Variants in CFAP299 observed in about 807,000 individuals in gnomAD.
CFAP299 encodes cilia and flagella associated protein 299.
Under a neutral mutation model 27.0 loss-of-function variants are expected in CFAP299, and 21 were observed. The ratio of observed to expected loss-of-function variants is 0.78; its 90% CI spans 0.55 to 1.12. The LOEUF is 1.12. Ranked by LOEUF, CFAP299 falls within the 50% of genes most tolerant of loss-of-function variation. The pLI is 0.00. For missense variants in CFAP299, 310 were observed against 276.6 expected, an observed-to-expected ratio of 1.12 and a Z score of -0.86; for synonymous variants, 104 against 98.1, an observed-to-expected ratio of 1.06 and a Z score of -0.36.
At chr4:80,403,457 C>T (rs564831721) in intron 2 of CFAP299, among the ~76,000 whole-genome samples, 4 of 152,116 alleles carry the variant, frequency 2.6e-5, no homozygotes, top group Non-Finnish European at 5.9e-5. Context: ...CCAATACAAA[C>T]TGTTAGCTCT....
At chr4:80,734,073 T>C (rs1440197385) in intron 3 of CFAP299, among the ~76,000 whole-genome samples, 1 of 152,128 alleles carries the variant, frequency 6.6e-6, no homozygotes, top group Non-Finnish European at 1.5e-5. Flanking sequence ...TACTAATTTA[T>C]ATTCCCACCA....
intron 2 of CFAP299, among the ~76,000 whole-genome samples, chr4:80,481,220 A>T (rs1730551211): frequency 6.6e-6 from 1 of 152,024 alleles, no homozygotes. Flanking sequence ...TGACAATGAG[A>T]ATGCTATTGT....
intron 3 of CFAP299, among the ~76,000 whole-genome samples, chr4:80,689,972 C>T (rs1720542579): frequency 6.7e-6 from 1 of 150,184 alleles, no homozygotes; most frequent in East Asian, 1.9e-4. Context: ...GTAAAGGGAT[C>T]AATTCAACAA....
chr4:80,672,982 G>T, intron 3 of CFAP299, among the ~76,000 whole-genome samples: 1 of 146,852 alleles, frequency 6.8e-6, no homozygotes, highest in Non-Finnish European at 1.5e-5. Context: ...TTGATTTTTT[G>T]AAGGGTTTTT....
intron 3 of CFAP299, among the ~76,000 whole-genome samples, chr4:80,683,409 A>G (rs1048316401): frequency 6.6e-6 from 1 of 152,144 alleles, no homozygotes; most frequent in Admixed American, 6.5e-5. Context: ...ATTTAATCTA[A>G]TATTTTCTTA....
At chr4:80,577,949 C>T (rs1345127515) in intron 2 of CFAP299, among the ~76,000 whole-genome samples, 2 of 152,132 alleles carry the variant, frequency 1.3e-5, no homozygotes, top group Non-Finnish European at 2.9e-5. Flanking sequence ...GATATACAGA[C>T]AACATACTTA....
At chr4:80,675,316 C>G (rs1053636165) in intron 3 of CFAP299, among the ~76,000 whole-genome samples, 3 of 152,140 alleles carry the variant, frequency 2.0e-5, no homozygotes, top group Non-Finnish European at 4.4e-5. Flanking sequence ...TGCTGGAGGT[C>G]TACTCCAGAC....
chr4:80,743,072 C>T (rs1724371586), intron 3 of CFAP299, among the ~76,000 whole-genome samples: 1 of 152,006 alleles, frequency 6.6e-6, no homozygotes, highest in African/African-American at 2.4e-5. Flanking sequence ...TTGTAGTTAA[C>T]CTGATTGTGC....
chr4:80,522,330 G>A (rs1180254013), intron 2 of CFAP299, among the ~76,000 whole-genome samples: 1 of 151,752 alleles, frequency 6.6e-6, no homozygotes, highest in Non-Finnish European at 1.5e-5. Flanking sequence ...TTACCCCTTT[G>A]CGCATTTTTA....
intron 3 of CFAP299, among the ~76,000 whole-genome samples, chr4:80,707,968 G>A (rs546036665): frequency 2.2e-4 from 33 of 152,196 alleles, no homozygotes; most frequent in Admixed American, 3.3e-4. Context: ...TTCTGAAGGT[G>A]CAAGCAACAC....
At chr4:80,500,393 G>A (rs1269656443) in intron 2 of CFAP299, among the ~76,000 whole-genome samples, 4 of 152,036 alleles carry the variant, frequency 2.6e-5, no homozygotes, top group African/African-American at 9.7e-5. Flanking sequence ...TCATTTAAAA[G>A]TTGTTTCCCA....
intron 2 of CFAP299, among the ~76,000 whole-genome samples, chr4:80,453,989 A>G (rs1200735529): frequency 6.6e-6 from 1 of 152,076 alleles, no homozygotes; most frequent in Non-Finnish European, 1.5e-5. Flanking sequence ...TTAAGATAGC[A>G]TACTGATCAC....
At chr4:80,512,149 G>A (rs1732336766) in intron 2 of CFAP299, among the ~76,000 whole-genome samples, 1 of 151,934 alleles carries the variant, frequency 6.6e-6, no homozygotes, top group African/African-American at 2.4e-5. Flanking sequence ...GTTCAGTCTT[G>A]GAAGAGGAAA....
intron 3 of CFAP299, among the ~76,000 whole-genome samples, chr4:80,813,245 A>C (rs1195538608): frequency 6.6e-6 from 1 of 152,038 alleles, no homozygotes; most frequent in African/African-American, 2.4e-5. Context: ...CAAAGTTTAG[A>C]ATGTCATTAA....
intron 4 of CFAP299, among the ~76,000 whole-genome samples, chr4:80,911,429 G>T (rs1372659594): frequency 1.3e-5 from 2 of 151,894 alleles, no homozygotes; most frequent in Non-Finnish European, 1.5e-5. Flanking sequence ...TAAAAAGAAC[G>T]AGCATCAAAA....
intron 3 of CFAP299, among the ~76,000 whole-genome samples, chr4:80,602,597 A>AT (rs1737415018): frequency 6.6e-6 from 1 of 152,138 alleles, no homozygotes; most frequent in African/African-American, 2.4e-5. Context: ...TTAACCAACC[A>AT]TTAATATAGG....
chr4:80,444,657 A>G (rs1201664449), intron 2 of CFAP299, among the ~76,000 whole-genome samples: 2 of 152,240 alleles, frequency 1.3e-5, no homozygotes, highest in Non-Finnish European at 2.9e-5. Flanking sequence ...AGTAATTGCA[A>G]CAAAAGCCAA....
chr4:80,603,538 G>T (rs1737480090), intron 3 of CFAP299, among the ~76,000 whole-genome samples: 1 of 152,116 alleles, frequency 6.6e-6, no homozygotes, highest in Admixed American at 6.6e-5. Flanking sequence ...GAGCATTTTA[G>T]CAATATGTGA....
intron 2 of CFAP299, among the ~76,000 whole-genome samples, chr4:80,438,639 C>T (rs1468060171): frequency 1.3e-5 from 2 of 152,178 alleles, no homozygotes; most frequent in African/African-American, 4.8e-5. Flanking sequence ...TTTTTAAAAT[C>T]CATTTAACAA....
Sources: gnomAD v4.1 joint callset for allele counts (sites outside exome capture counted in the v4.1 genomes callset) on GRCh38, gnomAD v4.1.1 for gene constraint, MANE v1.5 for transcripts, NCBI Gene and HGNC (gene_info 2026-07-23, HGNC 2026-07-21) for gene names.